DOCK1: variants seen among roughly 807,000 people sequenced by gnomAD.
DOCK1 encodes the protein dedicator of cytokinesis protein 1.
DOCK1 carries 138 observed loss-of-function variants against 262.7 expected under a neutral mutation model. That is an observed-to-expected ratio of 0.53 (90% CI 0.46 to 0.61). DOCK1 has a LOEUF of 0.61. Among genes scored for constraint, DOCK1 ranks in the 20% least tolerant of loss-of-function variants. DOCK1 has a pLI of 0.00. For missense variants in DOCK1, 1,908 were observed against 2,370.7 expected (o/e 0.80, Z 4.05); for synonymous variants, 866 against 867.4 (o/e 1.00, Z 0.03).
intron 32 of DOCK1, among the ~76,000 whole-genome samples, chr10:127,357,359 T>C (rs1389244410): frequency 6.6e-6 from 1 of 152,204 alleles, no homozygotes; most frequent in Non-Finnish European, 1.5e-5. Context: ...ATGATAACAA[T>C]GAAGGAAGGA....
intron 27 of DOCK1, among the ~76,000 whole-genome samples, chr10:127,173,537 C>T (rs1417207187): frequency 6.6e-6 from 1 of 152,178 alleles, no homozygotes; most frequent in African/African-American, 2.4e-5. Context: ...GGCACACACT[C>T]CTGTGAGTAT....
intron 27 of DOCK1, among the ~76,000 whole-genome samples, chr10:127,185,173 G>A (rs1301129959): frequency 6.6e-6 from 1 of 152,156 alleles, no homozygotes; most frequent in East Asian, 1.9e-4. Context: ...GTGTTCTGTG[G>A]AGTAGGTCCC....
intron 19 of DOCK1, among the ~76,000 whole-genome samples, chr10:127,040,536 CTGCTGTGGTTCCACAGCACTCCTT>C (rs2043953179): frequency 6.6e-6 from 1 of 152,166 alleles, no homozygotes; most frequent in Non-Finnish European, 1.5e-5. Context: ...GCTGTTGCTG[CTGCTGTGGTTCCACAGCACTCCTT>C]TGCGAGCAGG....
chr10:126,952,040 G>A (rs1164142389), intron 1 of DOCK1, among the ~76,000 whole-genome samples: 4 of 151,860 alleles, frequency 2.6e-5, no homozygotes, highest in Non-Finnish European at 4.4e-5. Flanking sequence ...AGTAGAGATG[G>A]GATTTCACCA....
At chr10:127,226,888 C>A (rs117771870) in intron 27 of DOCK1, among the ~76,000 whole-genome samples, 4 of 152,144 alleles carry the variant, frequency 2.6e-5, no homozygotes, top group Non-Finnish European at 5.9e-5. Flanking sequence ...CATGCTATTG[C>A]GTTCCCCACA....
In DOCK1 at chr10:127,302,739, GGGGTGTGTGTGT is replaced by G. The variant is rs1287881701; in HGVS notation, c.3045-36265_3045-36254del. ...AGCTTTTCCTAACTCTGGAAAAGAG[GGGGTGTGTGTGT>G]GTGTGTGTGTGTGTGTGTGTGTGTG... On this transcript the variant is annotated intron_variant, in intron 29 of 51. Transcript: ENST00000623213. Among the ~76,000 whole-genome samples the G allele has an allele frequency of 0.011, 1,412 of 124,594 alleles. 32 individuals carry two copies. The East Asian group carries it at 0.11, about 10-fold the overall frequency. 81.7% of individuals were successfully genotyped at this position (124,594 alleles called of 152,430 possible). A position where few individuals can be genotyped will look rare whatever the true frequency, so the allele number is the denominator to read the frequency against.
intron 28 of DOCK1, among the ~76,000 whole-genome samples, chr10:127,256,149 G>A (rs1235082443): frequency 2.0e-5 from 3 of 152,260 alleles, no homozygotes; most frequent in South Asian, 2.1e-4. Context: ...TATGGTGGGG[G>A]CACACCAAAC....
chr10:127,184,638 T>G (rs2056059709), intron 27 of DOCK1, among the ~76,000 whole-genome samples: 1 of 152,186 alleles, frequency 6.6e-6, no homozygotes, highest in Admixed American at 6.5e-5. Context: ...TGCTCATCTT[T>G]CTAGATTTCT....
intron 1 of DOCK1, among the ~76,000 whole-genome samples, chr10:126,948,382 G>A (rs2035779611): frequency 1.3e-5 from 1 of 74,566 alleles, no homozygotes; most frequent in Admixed American, 1.2e-4. Flanking sequence ...ACTGTTGGTG[G>A]TGATGGTGGT....
intron 29 of DOCK1, among the ~76,000 whole-genome samples, chr10:127,294,569 A>T (rs1384319326): frequency 2.6e-5 from 4 of 151,162 alleles, no homozygotes; most frequent in Non-Finnish European, 5.9e-5. Context: ...TGATCCACCC[A>T]CCCTGGCCTC....
chr10:127,339,725 G>GTT (rs2063348660), intron 30 of DOCK1, among the ~76,000 whole-genome samples: 8 of 93,434 alleles, frequency 8.6e-5, no homozygotes, highest in African/African-American at 3.3e-4. Flanking sequence ...GTGTGTGTGT[G>GTT]TGTGTGTGTG....
At chr10:126,961,495 C>T (rs2037215374) in intron 1 of DOCK1, among the ~76,000 whole-genome samples, 1 of 152,200 alleles carries the variant, frequency 6.6e-6, no homozygotes, top group Non-Finnish European at 1.5e-5. Context: ...CTTCGTCCTC[C>T]CAGCCTCTGG....
intron 26 of DOCK1, 116 bp downstream of exon 26, chr10:127,125,717 C>CTT (rs1323767174): frequency 7.1e-7 from 1 of 1,410,078 alleles, no homozygotes; most frequent in East Asian, 2.5e-5. Context: ...TCTAGCCTCT[C>CTT]TTTTTGTCTC....
intron 10 of DOCK1, among the ~76,000 whole-genome samples, chr10:127,004,752 C>G (rs566276080): frequency 1.6e-4 from 20 of 125,876 alleles, no homozygotes; most frequent in African/African-American, 5.7e-4. Context: ...CTGTCCCCCC[C>G]AACGGCCCCC....
intron 23 of DOCK1, among the ~76,000 whole-genome samples, chr10:127,092,001 T>C (rs1255373411): frequency 6.6e-6 from 1 of 152,224 alleles, no homozygotes; most frequent in Non-Finnish European, 1.5e-5. Context: ...GTATATCGTC[T>C]AGATTTGTAC....
intron 33 of DOCK1, among the ~76,000 whole-genome samples, chr10:127,366,427 G>T (rs2064915046): frequency 6.6e-6 from 1 of 152,028 alleles, no homozygotes; most frequent in Non-Finnish European, 1.5e-5. Context: ...TGCTGGACTG[G>T]CCTTTGCTTG....
intron 15 of DOCK1, 180 bp from the exon 16 acceptor site, chr10:127,026,172 T>A: frequency 1.6e-6 from 1 of 617,496 alleles, no homozygotes; most frequent in South Asian, 2.0e-5. Context: ...TACAATATGA[T>A]ACAAAATTTT....
chr10:127,349,382 G>T (rs2063780695), intron 31 of DOCK1, among the ~76,000 whole-genome samples: 1 of 151,900 alleles, frequency 6.6e-6, no homozygotes, highest in African/African-American at 2.4e-5. Flanking sequence ...TCGCTCTCAG[G>T]ACTCTCCTGA....
chr10:127,448,575 T>A (rs1251964855), intron 51 of DOCK1, among the ~76,000 whole-genome samples: 1 of 152,132 alleles, frequency 6.6e-6, no homozygotes, highest in Non-Finnish European at 1.5e-5. Context: ...GGCGGGAACT[T>A]CTGCTTCTAG....
Sources: gnomAD v4.1 joint callset for allele counts (sites outside exome capture counted in the v4.1 genomes callset) on GRCh38, gnomAD v4.1.1 for gene constraint, MANE v1.5 for transcripts, NCBI Gene and HGNC (gene_info 2026-07-23, HGNC 2026-07-21) for gene names.